GMCL1: variants seen among roughly 807,000 people sequenced by gnomAD.
GMCL1 encodes the protein germ cell-less 1, spermatogenesis associated, also known as germ cell-less protein-like 1.
In GMCL1, 54 loss-of-function variants were observed where a neutral mutation model predicts 75.5. That is an observed-to-expected ratio of 0.71 (90% CI 0.57 to 0.90). The LOEUF is 0.90. Ranked by LOEUF, GMCL1 falls within the 40% of genes least tolerant of loss-of-function variation. The pLI, the probability that GMCL1 is intolerant of heterozygous loss-of-function variation, is 0.00. For synonymous variants in GMCL1, 210 were observed against 209.6 expected, an observed-to-expected ratio of 1.00 and a Z score of -0.02; for missense variants, 537 against 622.7, an observed-to-expected ratio of 0.86 and a Z score of 1.47.
At chr2:69,863,600 A>T (rs758689906) in intron 10 of GMCL1, among the ~76,000 whole-genome samples, 11 of 152,232 alleles carry the variant, frequency 7.2e-5, no homozygotes, top group Non-Finnish European at 1.3e-4. Context: ...TTGAAGCTAG[A>T]TGGTAAGAAA....
chr2:69,832,805 A>G (rs1674713169), intron 1 of GMCL1, among the ~76,000 whole-genome samples: 2 of 152,358 alleles, frequency 1.3e-5, no homozygotes, highest in South Asian at 2.1e-4. Context: ...CAGCAATTTG[A>G]ATACAGGAAA....
intron 8 of GMCL1, among the ~76,000 whole-genome samples, chr2:69,850,665 G>A (rs775765017): frequency 2.6e-5 from 4 of 151,898 alleles, no homozygotes; most frequent in Admixed American, 1.3e-4. Context: ...ATGTATATAC[G>A]TCTTAACATA....
chr2:69,830,056 G>T lies in GMCL1; in HGVS notation c.164G>T (p.Ser55Ile). 1 of 1,568,286 alleles carries T rather than the reference G, an allele frequency of 6.4e-7. No homozygotes were observed. The highest frequency in any genetic ancestry group is 8.7e-7 in the Non-Finnish European group (1 of 1,156,068). ...GCGGGCAGCCACAAGCGCAAGCGGA[G>T]CAGCGGGTCCTTCTGCTACTGTCAC... ...YCAGSHKRKR[S>I]SGSFCYCHPD... Residue 55 changes from serine to isoleucine, a missense_variant, in exon 1 of 14, where the codon AGC becomes ATC. Physicochemically the swap from Ser to Ile is moderately radical, Grantham distance 142. Transcript: ENST00000282570.
At chr2:69,869,279 G>A (rs543509705) in intron 11 of GMCL1, among the ~76,000 whole-genome samples, 2 of 148,030 alleles carry the variant, frequency 1.4e-5, no homozygotes, top group Admixed American at 6.8e-5. Flanking sequence ...TTAGCCGGGC[G>A]TGGTGGCAGG....
At chr2:69,843,036 C>A in intron 4 of GMCL1, 113 bp from the exon 5 acceptor site, 3 of 282,894 alleles carry the variant, frequency 1.1e-5, no homozygotes, top group East Asian at 1.3e-4. Context: ...AATGAGTTTT[C>A]TTTCTTTTCT....
At position 69,839,569 on chromosome 2, in the gene GMCL1, A is replaced by T. The variant is rs1199081971; in HGVS notation, c.481+16A>T. On this transcript the variant is annotated intron_variant, in intron 3 of 13. Coordinates refer to ENST00000282570, the MANE Select transcript of GMCL1 (RefSeq NM_178439.5). ...GATGTAGAAGGTAACTACCACAATA[A>T]TTACTATTATGCAACAATCGTAAAA... The T allele has an allele frequency of 7.6e-6, 10 of 1,323,870 alleles. No individual in the cohort carries two copies. The highest frequency in any genetic ancestry group is 1.1e-5 in the Non-Finnish European group (10 of 920,426). 82.0% of individuals were successfully genotyped at this position (1,323,870 alleles called of 1,614,324 possible). A position where few individuals can be genotyped will look rare whatever the true frequency, so the allele number is the denominator to read the frequency against.
At chr2:69,859,032 G>C (rs893644768) in intron 9 of GMCL1, among the ~76,000 whole-genome samples, 3 of 151,514 alleles carry the variant, frequency 2.0e-5, no homozygotes, top group Admixed American at 2.0e-4. Flanking sequence ...TGTAATCCCA[G>C]CTACTCGGGA....
chr2:69,875,115 T>C (rs576371514), intron 13 of GMCL1, among the ~76,000 whole-genome samples: 1 of 152,324 alleles, frequency 6.6e-6, no homozygotes, highest in African/African-American at 2.4e-5. Context: ...ATGATTTCTT[T>C]TTTTTGGTGT....
At chr2:69,861,045 G>T (rs1254890296) in intron 9 of GMCL1, among the ~76,000 whole-genome samples, 1 of 152,226 alleles carries the variant, frequency 6.6e-6, no homozygotes, top group Non-Finnish European at 1.5e-5. Flanking sequence ...GTTTTGCCAT[G>T]TTAGTCAGGC....
chr2:69,869,488 G>A, intron 11 of GMCL1: 1 of 363,992 alleles, frequency 2.7e-6, no homozygotes, highest in African/African-American at 2.1e-5. Context: ...TAAGGAAACT[G>A]ATCATGAAGA....
chr2:69,859,458 G>A (rs1675576678), intron 9 of GMCL1, among the ~76,000 whole-genome samples: 1 of 151,634 alleles, frequency 6.6e-6, no homozygotes, highest in Middle Eastern at 3.2e-3. Flanking sequence ...TAGCAAGAAT[G>A]TAATTTTGGA....
intron 13 of GMCL1, among the ~76,000 whole-genome samples, chr2:69,873,344 G>A (rs144582565): frequency 8.5e-5 from 13 of 152,278 alleles, no homozygotes; most frequent in African/African-American, 3.1e-4. Flanking sequence ...AGTTGTCTCC[G>A]TGTTTTATAT....
intron 1 of GMCL1, among the ~76,000 whole-genome samples, chr2:69,831,783 T>A (rs1674680789): frequency 6.6e-6 from 1 of 152,114 alleles, no homozygotes; most frequent in Non-Finnish European, 1.5e-5. Flanking sequence ...ATTTTTTTAT[T>A]TGTAGAAACA....
At chr2:69,873,360 A>G (rs1385543813) in intron 13 of GMCL1, among the ~76,000 whole-genome samples, 1 of 152,194 alleles carries the variant, frequency 6.6e-6, no homozygotes, top group Non-Finnish European at 1.5e-5. Flanking sequence ...TATATAGGTT[A>G]TAGATGTTGT....
At chr2:69,835,698 C>G (rs991071197) in intron 1 of GMCL1, among the ~76,000 whole-genome samples, 1 of 152,180 alleles carries the variant, frequency 6.6e-6, no homozygotes, top group African/African-American at 2.4e-5. Context: ...AGAAATACCT[C>G]ATAGTTAGGG....
chr2:69,854,294 C>T (rs1259779550), intron 8 of GMCL1, among the ~76,000 whole-genome samples: 3 of 152,118 alleles, frequency 2.0e-5, no homozygotes, highest in East Asian at 1.9e-4. Flanking sequence ...GGATCACAGG[C>T]GTGAGCCACC....
At chr2:69,850,091 T>C (rs1234803045) in intron 8 of GMCL1, among the ~76,000 whole-genome samples, 1 of 152,224 alleles carries the variant, frequency 6.6e-6, no homozygotes, top group African/African-American at 2.4e-5. Context: ...GAGTTTTCTC[T>C]AACAAGCTAT....
intron 13 of GMCL1, 21 bp downstream of exon 13, chr2:69,871,853 G>T (rs765272481): frequency 7.4e-7 from 1 of 1,353,086 alleles, no homozygotes; most frequent in Non-Finnish European, 1.0e-6. Context: ...TTATCTTCTG[G>T]TATGTCATCA....
chr2:69,844,210 A>C lies in GMCL1; in HGVS notation c.758+14A>C. On this transcript the variant is annotated intron_variant, in intron 6 of 13. Transcript: ENST00000282570. The stretch of plus-strand genomic sequence containing the variant: ...TAAAGAACTCAGGTATTTGAATTTC[A>C]AGTAACTTCATAATTAGTCATCCTA... 1 of 1,415,544 alleles carries C rather than the reference A, an allele frequency of 7.1e-7. No individual in the cohort carries two copies. The highest frequency in any genetic ancestry group is 9.8e-7 in the Non-Finnish European group (1 of 1,022,970). 87.7% of individuals were successfully genotyped at this position (1,415,544 alleles called of 1,614,324 possible).
Sources: allele counts gnomAD v4.1 joint callset (sites outside exome capture counted in the v4.1 genomes callset), GRCh38; gene constraint gnomAD v4.1.1; transcripts MANE v1.5; gene names NCBI Gene and HGNC (gene_info 2026-07-23, HGNC 2026-07-21).